ZYG11A: variants seen among roughly 807,000 people sequenced by gnomAD.
The protein encoded by ZYG11A is protein zyg-11 homolog A.
ZYG11A carries 62 observed loss-of-function variants against 77.2 expected under a neutral mutation model. The observed-to-expected ratio is 0.80, with a 90% CI of 0.65 to 0.99. ZYG11A has a LOEUF of 0.99. Ranked by LOEUF, ZYG11A falls within the 50% of genes least tolerant of loss-of-function variation. ZYG11A has a pLI of 0.00. For missense variants in ZYG11A, 828 were observed against 896.8 expected (o/e 0.92, Z 0.98); for synonymous variants, 315 against 324.6 (o/e 0.97, Z 0.32).
At chr1:52,843,637 G>T (rs1402581016) in intron 1 of ZYG11A, among the ~76,000 whole-genome samples, 1 of 151,812 alleles carries the variant, frequency 6.6e-6, no homozygotes, top group Non-Finnish European at 1.5e-5. Flanking sequence ...CCCAAAGAAT[G>T]TGTGTTTAGC....
intron 8 of ZYG11A, among the ~76,000 whole-genome samples, chr1:52,877,236 C>G (rs550974185): frequency 6.6e-6 from 1 of 152,176 alleles, no homozygotes; most frequent in South Asian, 2.1e-4. Flanking sequence ...CCCTCTCCTA[C>G]CCTTCCTAAA....
intron 11 of ZYG11A, among the ~76,000 whole-genome samples, chr1:52,884,657 GAA>G (rs1216324011): frequency 2.7e-5 from 4 of 150,122 alleles, no homozygotes; most frequent in Non-Finnish European, 4.4e-5. Flanking sequence ...TTCATATTCA[GAA>G]AAAAAAAATT....
At position 52,878,153 on chromosome 1, in the gene ZYG11A, A is replaced by G. The variant is rs570305198; in HGVS notation, c.1749+184A>G. ...AGTTATCTATTGTTGTGAACAAACT[A>G]TAGCTTAGTGGCTTAAAACAGTAGC... On this transcript the variant is annotated intron_variant, in intron 10 of 13. Coordinates refer to ENST00000371528, the MANE Select transcript of ZYG11A (RefSeq NM_001004339.3). Among the ~76,000 whole-genome samples, 136 of 152,352 alleles carry G rather than the reference A, an allele frequency of 8.9e-4. 1 individual carries two copies. Among genetic ancestry groups the G allele is most frequent in the African/African-American group, 3.1e-3 (129 of 41,588 alleles).
intron 4 of ZYG11A, among the ~76,000 whole-genome samples, chr1:52,862,367 G>C (rs889288047): frequency 6.8e-6 from 1 of 146,894 alleles, no homozygotes; most frequent in Non-Finnish European, 1.5e-5. Flanking sequence ...GCTGGAGTGC[G>C]GTGGCTTGAT....
chr1:52,842,822 G>A lies in ZYG11A; in HGVS notation c.-62G>A. Reference sequence around the variant, plus strand: ...CCTGGCAGCCGCCCGCTTGGTTCTCGCGGGATCCGGGCTCCGGCTCGACGC... The same window carrying A: ...CCTGGCAGCCGCCCGCTTGGTTCTCACGGGATCCGGGCTCCGGCTCGACGC... On this transcript the variant is annotated 5_prime_UTR_variant, in exon 1 of 14. Transcript: ENST00000371528. 6.8e-7 allele frequency: 1 copy of A among 1,478,380 alleles called. No homozygotes were observed. The highest frequency in any genetic ancestry group is 9.1e-7 in the Non-Finnish European group (1 of 1,099,672). 91.6% of individuals were successfully genotyped at this position (1,478,380 alleles called of 1,614,324 possible).
At chr1:52,861,337 A>G (rs1256635371) in intron 4 of ZYG11A, among the ~76,000 whole-genome samples, 1 of 152,192 alleles carries the variant, frequency 6.6e-6, no homozygotes, top group Non-Finnish European at 1.5e-5. Context: ...TCTTTTATAC[A>G]TGTGTTTATT....
intron 10 of ZYG11A, among the ~76,000 whole-genome samples, chr1:52,879,888 G>C (rs1034874891): frequency 6.6e-6 from 1 of 151,422 alleles, no homozygotes; most frequent in Non-Finnish European, 1.5e-5. Flanking sequence ...TCAGTCTCCC[G>C]AGTAGCTGGG....
rs1027308710 is a variant in ZYG11A at position 52,846,334 on chromosome 1, A to C, written c.90+3361A>C. ...TTTATATATATATATATATATATAT[A>C]TATATATATATATATATATATATAT... On this transcript the variant is annotated intron_variant, in intron 1 of 13. Transcript: ENST00000371528. Among the ~76,000 whole-genome samples the C allele has an allele frequency of 6.8e-4, 13 of 19,184 alleles. 2 individuals are homozygous for C. Among genetic ancestry groups the C allele is most frequent in the African/African-American group, 1.5e-3 (13 of 8,456 alleles). The allele number at this position is 19,184 out of a possible 152,430, so 12.6% of individuals were successfully genotyped here. A position where few individuals can be genotyped will look rare whatever the true frequency, so the allele number is the denominator to read the frequency against.
At chr1:52,873,181 A>T (rs1646200978) in intron 8 of ZYG11A, among the ~76,000 whole-genome samples, 1 of 152,114 alleles carries the variant, frequency 6.6e-6, no homozygotes, top group South Asian at 2.1e-4. Flanking sequence ...GCATGGTGGC[A>T]TGCATTTGTA....
intron 11 of ZYG11A, 21 bp from the exon 12 acceptor site, chr1:52,885,812 T>G (rs1646439751): frequency 4.0e-6 from 6 of 1,510,660 alleles, no homozygotes; most frequent in African/African-American, 1.4e-5. Flanking sequence ...TGTTGGTTTC[T>G]CTCTCTTGTT....
intron 11 of ZYG11A, among the ~76,000 whole-genome samples, chr1:52,882,176 A>G (rs1324263039): frequency 1.3e-5 from 2 of 152,194 alleles, no homozygotes; most frequent in African/African-American, 4.8e-5. Flanking sequence ...TACAGGCATG[A>G]GCCATCGCGC....
chr1:52,892,761 C>G (rs1354604924), intron 13 of ZYG11A, 21 bp from the exon 14 acceptor site: 1 of 1,549,882 alleles, frequency 6.5e-7, no homozygotes, highest in Admixed American at 2.0e-5. Context: ...CATGGAGTGT[C>G]TCTGCTTGAT....
In ZYG11A at chr1:52,867,644, T is replaced by C. The variant is rs899019859; in HGVS notation, c.1491+6T>C. On this transcript the variant is annotated splice_donor_region_variant and intron_variant, in intron 7 of 13. Transcript: ENST00000371528. ...CCTCTATTCTGGCTCTGCAGGTTTG[T>C]GATTTCTTAAAGGCAAGATGTCTAT... 1 of 1,551,842 alleles carries C rather than the reference T, an allele frequency of 6.4e-7. No individual in the cohort carries two copies. Among genetic ancestry groups the C allele is most frequent in the Non-Finnish European group, 8.7e-7 (1 of 1,146,808 alleles).
intron 5 of ZYG11A, 71 bp downstream of exon 5, chr1:52,864,228 C>A: frequency 7.0e-7 from 1 of 1,428,392 alleles, no homozygotes; most frequent in Non-Finnish European, 9.5e-7. Context: ...TTGCCCAGGC[C>A]AGAGTGCCGT....
At chr1:52,878,982 A>C (rs112150502) in intron 10 of ZYG11A, among the ~76,000 whole-genome samples, 1 of 145,642 alleles carries the variant, frequency 6.9e-6, no homozygotes, top group African/African-American at 2.6e-5. Flanking sequence ...AAAACAAACC[A>C]AAAAACTCAA....
chr1:52,843,309 C>T (rs1485530509), intron 1 of ZYG11A, among the ~76,000 whole-genome samples: 1 of 152,204 alleles, frequency 6.6e-6, no homozygotes, highest in Non-Finnish European at 1.5e-5. Context: ...CTGCTGTGAG[C>T]TTAGACGTAG....
rs535602114 is a variant in ZYG11A at position 52,857,735 on chromosome 1, A to G, written c.994A>G (p.Lys332Glu). Reference sequence around the variant, plus strand: ...TGGCTCTTCTGACTTCTTTACTACAAAGCAAGGCTTGAGGGTTTGTTCTTA... The same window carrying G: ...TGGCTCTTCTGACTTCTTTACTACAGAGCAAGGCTTGAGGGTTTGTTCTTA... ...DAGSSDFFTT[K>E]QGLRVAGGAS... Residue 332 changes from lysine (K) to glutamate (E), a missense_variant, in exon 3 of 14, where the codon AAG becomes GAG. Transcript: ENST00000371528. The G allele has an allele frequency of 1.9e-6, 3 of 1,547,258 alleles. No individual in the cohort carries two copies. Among genetic ancestry groups the G allele is most frequent in the East Asian group, 2.4e-5 (1 of 40,862 alleles).
At chr1:52,852,712 A>G (rs1408729036) in intron 1 of ZYG11A, among the ~76,000 whole-genome samples, 2 of 152,176 alleles carry the variant, frequency 1.3e-5, no homozygotes, top group African/African-American at 2.4e-5. Context: ...ATAGGGTTAT[A>G]TACCAATAAA....
At chr1:52,859,878 A>C (rs1457820372) in intron 3 of ZYG11A, among the ~76,000 whole-genome samples, 1 of 151,392 alleles carries the variant, frequency 6.6e-6, no homozygotes, top group East Asian at 1.9e-4. Flanking sequence ...AGGATTTACC[A>C]TGTTGGCCAG....
Sources: gnomAD v4.1 joint callset for allele counts (sites outside exome capture counted in the v4.1 genomes callset) on GRCh38, gnomAD v4.1.1 for gene constraint, MANE v1.5 for transcripts, NCBI Gene and HGNC (gene_info 2026-07-23, HGNC 2026-07-21) for gene names.